SMC4: variants seen among roughly 807,000 people sequenced by gnomAD.
The protein encoded by SMC4 is structural maintenance of chromosomes 4.
In SMC4, 87 loss-of-function variants were observed where a neutral mutation model predicts 145.6. The ratio of observed to expected loss-of-function variants is 0.60; its 90% CI spans 0.50 to 0.71. SMC4 has a LOEUF of 0.71. Among genes scored for constraint, SMC4 ranks in the 30% least tolerant of loss-of-function variants. The pLI is 0.00. For synonymous variants in SMC4, 558 were observed against 500.7 expected (o/e 1.11, Z -1.53); for missense variants, 1,447 against 1,537.1 (o/e 0.94, Z 0.98).
At position 160,434,760 on chromosome 3, in the gene SMC4, T is replaced by C. The variant is rs1409658080; in HGVS notation, c.*951T>C. On this transcript the variant is annotated 3_prime_UTR_variant, in exon 24 of 24. Coordinates refer to ENST00000357388, the MANE Select transcript of SMC4 (RefSeq NM_001002800.3). The stretch of plus-strand genomic sequence containing the variant: ...TTTTGGAAGGACTTTCGGTATTGTA[T>C]TAGAAGTCTGCCCTAGCTGTTAAAT... 1 of 152,224 alleles carries C rather than the reference T, an allele frequency of 6.6e-6. No individual in the cohort carries two copies. The highest frequency in any genetic ancestry group is 1.5e-5 in the Non-Finnish European group (1 of 68,038). The allele number at this position is 152,224 out of a possible 1,614,324, so 9.4% of individuals were successfully genotyped here.
Position 160,417,963 on chromosome 3 carries a change from C to T in SMC4, c.1671+7C>T, listed in dbSNP as rs921911242. On this transcript the variant is annotated splice_region_variant and intron_variant, in intron 11 of 23. Transcript: ENST00000357388. ...TGAACAAGAATTAAAGGAGGTAAAT[C>T]TTTGCTTCTCTGTTGCATCAGAACA... 1.9e-6 allele frequency: 3 copies of T among 1,597,382 alleles called. No individual in the cohort carries two copies. The highest frequency in any genetic ancestry group is 2.6e-6 in the Non-Finnish European group (3 of 1,168,672).
At chr3:160,413,654 T>A in intron 8 of SMC4, 41 bp downstream of exon 8, 1 of 1,057,368 alleles carries the variant, frequency 9.5e-7, no homozygotes, top group Non-Finnish European at 1.3e-6. Context: ...TTTAGATAAT[T>A]GTATTACATG....
At chr3:160,431,453 T>G (rs557655765) in intron 20 of SMC4, among the ~76,000 whole-genome samples, 190 bp from the exon 21 acceptor site, 1 of 152,286 alleles carries the variant, frequency 6.6e-6, no homozygotes, top group African/African-American at 2.4e-5. Context: ...TCTGGACATT[T>G]AAGAAAAGAT....
In SMC4 at chr3:160,413,377, ATTTTAGAAACAGTTAG is replaced by A. The variant is rs1413319292; in HGVS notation, c.981-90_981-75del. On this transcript the variant is annotated intron_variant, in intron 7 of 23. Coordinates refer to ENST00000357388, the MANE Select transcript of SMC4 (RefSeq NM_001002800.3). ...AGTCATATATTGACTAGTTAATAAT[ATTTTAGAAACAGTTAG>A]TTTTACTAAAATTGTTATACAGTTT... is the stretch of plus-strand genomic sequence containing the variant. 12 of 1,237,240 alleles carry A rather than the reference ATTTTAGAAACAGTTAG, an allele frequency of 9.7e-6. No homozygotes were observed. In the East Asian group the frequency reaches 3.1e-4, roughly 32 times the overall value. 76.6% of individuals were successfully genotyped at this position (1,237,240 alleles called of 1,614,324 possible). A position where few individuals can be genotyped will look rare whatever the true frequency, so the allele number is the denominator to read the frequency against.
intron 13 of SMC4, among the ~76,000 whole-genome samples, chr3:160,421,814 A>T (rs1451463282): frequency 6.6e-6 from 1 of 152,212 alleles, no homozygotes; most frequent in South Asian, 2.1e-4. Context: ...TTGTTCACCC[A>T]TGACCACTAT....
rs761618939 is a variant in SMC4 at position 160,432,481 on chromosome 3, A to G, written c.3496A>G (p.Ser1166Gly). 1.9e-6 allele frequency: 3 copies of G among 1,609,048 alleles called. No individual in the cohort carries two copies. Among genetic ancestry groups the G allele is most frequent in the African/African-American group, 2.7e-5 (2 of 74,450 alleles). The change falls in exon 22 of 24, where the codon AGC (serine) becomes GGC (glycine). Residue 1166 changes from serine to glycine, a missense_variant. Transcript: ENST00000357388. ...GGACGCCGAACTCGAGCTTGTAGAC[A>G]GCTTGGATCCTTTCTCTGAAGGAAT... ...GGDAELELVDSLDPFSEGIMF... is the reference protein window; with the variant it reads ...GGDAELELVDGLDPFSEGIMF...
At chr3:160,433,316 A>G (rs1039818089) in intron 23 of SMC4, 107 bp downstream of exon 23, 6 of 750,104 alleles carry the variant, frequency 8.0e-6, no homozygotes, top group South Asian at 2.1e-5. Context: ...TTTATTGTCT[A>G]ATAACTCCAT....
chr3:160,419,918 A>AATAT (rs1560004054), intron 12 of SMC4, among the ~76,000 whole-genome samples: 1 of 152,194 alleles, frequency 6.6e-6, no homozygotes, highest in Non-Finnish European at 1.5e-5. Flanking sequence ...CATCCTGGGC[A>AATAT]ATATAGCAAG....
chr3:160,412,420 T>C lies in SMC4; in HGVS notation c.947T>C (p.Phe316Ser). The C allele has an allele frequency of 1.2e-6, 2 of 1,605,140 alleles. No individual in the cohort carries two copies. The highest frequency in any genetic ancestry group is 8.5e-7 in the Non-Finnish European group (1 of 1,173,774). ...TTTCTTACCTTGGAAAATGAAATAT[T>C]TAGAAAAAAGAATCATGTTTGTCAA... ...IEFLTLENEI[F>S]RKKNHVCQYY... Residue 316 changes from phenylalanine (F) to serine (S), a missense_variant, in exon 7 of 24, where the codon TTT becomes TCT. By Grantham distance (155) the Phe-to-Ser change is radical. Coordinates refer to ENST00000357388, the MANE Select transcript of SMC4 (RefSeq NM_001002800.3).
rs1308514822 is a variant in SMC4 at position 160,408,245 on chromosome 3, G to C, written c.688-3675G>C. On this transcript the variant is annotated intron_variant, in intron 5 of 23. Transcript: ENST00000357388. ...CTATGTACTGTTTGAGTTTTCTGTA[G>C]TTGATGCTTGCTAAAATTTGGATTA... Among the ~76,000 whole-genome samples the C allele has an allele frequency of 3.9e-5, 6 of 152,164 alleles. No homozygotes were observed. The East Asian group carries it at 1.2e-3, about 29-fold the overall frequency.
At chr3:160,403,194 A>T (rs1277725175) in intron 4 of SMC4, among the ~76,000 whole-genome samples, 1 of 152,190 alleles carries the variant, frequency 6.6e-6, no homozygotes, top group Non-Finnish European at 1.5e-5. Context: ...TGATTGCTTT[A>T]GAATAAATTA....
Position 160,433,787 on chromosome 3 carries a change from T to C in SMC4, c.3845T>C (p.Ile1282Thr). ...AGTGTTGCTGTAAATCCAAAAGAAATTGCATCTAAGGGACTTTGTTGAACT... is the reference window on the plus strand; with the variant it reads ...AGTGTTGCTGTAAATCCAAAAGAAACTGCATCTAAGGGACTTTGTTGAACT... ...TKSVAVNPKE[I>T]ASKGLC Residue 1282 changes from isoleucine (I) to threonine (T), a missense_variant, in exon 24 of 24, where the codon ATT (isoleucine) becomes ACT (threonine). By Grantham distance (89) the Ile-to-Thr change is moderately conservative (BLOSUM62 -1). Transcript: ENST00000357388. The C allele has an allele frequency of 6.2e-7, 1 of 1,604,766 alleles. No homozygotes were observed. The highest frequency in any genetic ancestry group is 1.3e-5 in the African/African-American group (1 of 74,604).
At position 160,407,210 on chromosome 3, in the gene SMC4, T is replaced by C. The variant is rs535726453; in HGVS notation, c.687+2706T>C. Among the ~76,000 whole-genome samples the C allele has an allele frequency of 1.3e-4, 20 of 152,328 alleles. No homozygotes were observed. In the South Asian group the frequency reaches 4.1e-3, roughly 32 times the overall value. ...TAGCACAACTTTAATTTTGTCAAAG[T>C]TTTCAACTTCATATGCTTTTGTCTT... On this transcript the variant is annotated intron_variant, in intron 5 of 23. Transcript: ENST00000357388.
Position 160,404,507 on chromosome 3 carries a change from A to G in SMC4, c.687+3A>G. On this transcript the variant is annotated splice_donor_region_variant and intron_variant, in intron 5 of 23. Coordinates refer to ENST00000357388, the MANE Select transcript of SMC4 (RefSeq NM_001002800.3). ...ATAATAGATTTTTAATTTTACAGGT[A>G]AGTTTATTAAAGACTTCAAAGATTC... 6.2e-7 allele frequency: 1 copy of G among 1,601,954 alleles called. No homozygotes were observed. The highest frequency in any genetic ancestry group is 8.5e-7 in the Non-Finnish European group (1 of 1,175,558).
intron 17 of SMC4, 123 bp from the exon 18 acceptor site, chr3:160,428,630 C>A: frequency 1.3e-6 from 1 of 785,850 alleles, no homozygotes; most frequent in South Asian, 1.9e-5. Flanking sequence ...TGCTTTTTCC[C>A]ATATGCCTAA....
rs778638350 is a variant in SMC4 at position 160,404,349 on chromosome 3, A to C, written c.532A>C (p.Ile178Leu). ...IDKEGDDYEV[I>L]PNSNFYVSRT... is the part of the protein sequence containing the mutation. ...ACAGGAAGGGGATGATTATGAAGTC[A>C]TTCCTAACAGTAATTTCTATGTATC... Residue 178 changes from isoleucine (I) to leucine (L), a missense_variant, in exon 5 of 24, where the codon ATT (isoleucine) becomes CTT (leucine). Physicochemically the swap from Ile to Leu is conservative, Grantham distance 5. Coordinates refer to ENST00000357388, the MANE Select transcript of SMC4 (RefSeq NM_001002800.3). 1 of 1,604,594 alleles carries C rather than the reference A, an allele frequency of 6.2e-7. No individual in the cohort carries two copies. Among genetic ancestry groups the C allele is most frequent in the Non-Finnish European group, 8.5e-7 (1 of 1,177,608 alleles).
chr3:160,419,792 AT>A lies in SMC4; in HGVS notation c.1857+253del, dbSNP rs907646740. Among the ~76,000 whole-genome samples, 3 of 152,252 alleles carry A rather than the reference AT, an allele frequency of 2.0e-5. No homozygotes were observed. In the South Asian group the frequency reaches 6.2e-4, roughly 32 times the overall value. On this transcript the variant is annotated intron_variant, in intron 12 of 23. Coordinates refer to ENST00000357388, the MANE Select transcript of SMC4 (RefSeq NM_001002800.3). ...AGTAATGTCACACAAACTTAAAACC[AT>A]TTTATCCTTTTTTTTAAAAGAGAGA...
In SMC4 at chr3:160,419,847, G is replaced by A. The variant is rs569284718; in HGVS notation, c.1857+304G>A. On this transcript the variant is annotated intron_variant, in intron 12 of 23. Transcript: ENST00000357388. The stretch of plus-strand genomic sequence containing the variant: ...TAGCCAGGCACAATGGTGTGTGCCT[G>A]TAGTCCCAGCTGTTGGAGAGGCAGA... Among the ~76,000 whole-genome samples the A allele has an allele frequency of 1.2e-4, 18 of 152,196 alleles. No individual in the cohort carries two copies. The South Asian group carries it at 3.5e-3, about 30-fold the overall frequency.
In SMC4 at chr3:160,434,525, A is replaced by C. The variant is rs1264401958; in HGVS notation, c.*716A>C. On this transcript the variant is annotated 3_prime_UTR_variant, in exon 24 of 24. Transcript: ENST00000357388. ...ATAGGTTTATCCGGGTACTAAATGC[A>C]TTTCAACTTGATAGTTTCAACTTAT... 1 of 152,222 alleles carries C rather than the reference A, an allele frequency of 6.6e-6. No homozygotes were observed. The highest frequency in any genetic ancestry group is 1.5e-5 in the Non-Finnish European group (1 of 68,050). The allele number at this position is 152,222 out of a possible 1,614,324, so 9.4% of individuals were successfully genotyped here.
Sources: gnomAD v4.1 joint callset for allele counts (sites outside exome capture counted in the v4.1 genomes callset) on GRCh38, gnomAD v4.1.1 for gene constraint, MANE v1.5 for transcripts, NCBI Gene and HGNC (gene_info 2026-07-23, HGNC 2026-07-21) for gene names.